ADAMTS12: variants seen among roughly 807,000 people sequenced by gnomAD.
ADAMTS12 encodes A disintegrin and metalloproteinase with thrombospondin motifs 12.
Under a neutral mutation model 167.8 loss-of-function variants are expected in ADAMTS12, and 118 were observed. That is an observed-to-expected ratio of 0.70 (90% CI 0.61 to 0.82). The LOEUF is 0.82. Among genes scored for constraint, ADAMTS12 ranks in the 40% least tolerant of loss-of-function variants. The probability of loss-of-function intolerance (pLI) is 0.00; values close to 1 mark genes in which losing one functional copy is unlikely to be tolerated. For missense variants in ADAMTS12, 1,916 were observed against 1,998.8 expected, an observed-to-expected ratio of 0.96 and a Z score of 0.79; for synonymous variants, 704 against 716.9, an observed-to-expected ratio of 0.98 and a Z score of 0.29.
intron 12 of ADAMTS12, among the ~76,000 whole-genome samples, chr5:33,632,441 C>T (rs1739990285): frequency 2.9e-5 from 3 of 101,894 alleles, no homozygotes; most frequent in Admixed American, 2.1e-4. Flanking sequence ...AAGATAAAAG[C>T]AAATATGTAA....
chr5:33,869,941 T>C (rs1030302378), intron 2 of ADAMTS12, among the ~76,000 whole-genome samples: 1 of 152,132 alleles, frequency 6.6e-6, no homozygotes, highest in Admixed American at 6.5e-5. Flanking sequence ...AGAGTGGCCA[T>C]TTTAGAGGCC....
Position 33,588,593 on chromosome 5 carries a change from G to A in ADAMTS12, c.2865+6C>T. On this transcript the variant is annotated splice_donor_region_variant and intron_variant, in intron 18 of 23. Coordinates refer to ENST00000504830, the MANE Select transcript of ADAMTS12 (RefSeq NM_030955.4). ...TGCCAGTTTCCCCGCCGAGCCCTGA[G>A]CTCACCTCACTCCAGTTGCCCACTG... is the stretch of plus-strand genomic sequence containing the variant. The A allele has an allele frequency of 6.2e-7, 1 of 1,613,852 alleles. No individual in the cohort carries two copies. Among genetic ancestry groups the A allele is most frequent in the Non-Finnish European group, 8.5e-7 (1 of 1,179,768 alleles).
In ADAMTS12 at chr5:33,624,306, G is replaced by A. The variant is rs146677662; in HGVS notation, c.2068C>T (p.Arg690Cys). The change falls in exon 14 of 24, where the codon CGC becomes TGC. Residue 690 changes from arginine to cysteine, a missense_variant. Transcript: ENST00000504830. ...CCATCTCCCAGGCACACACCGCAGC[G>A]ATCCTCGGTGGCATTGGAATCGATC... ...YEIDSNATED[R>C]CGVCLGDGSS... is the part of the protein sequence containing the mutation. 3.7e-5 allele frequency: 59 copies of A among 1,614,036 alleles called. No homozygotes were observed. Among genetic ancestry groups the A allele is most frequent in the Non-Finnish European group, 4.2e-5 (50 of 1,179,954 alleles).
At chr5:33,539,104 A>T (rs910548691) in intron 22 of ADAMTS12, among the ~76,000 whole-genome samples, 1 of 151,952 alleles carries the variant, frequency 6.6e-6, no homozygotes, top group African/African-American at 2.4e-5. Flanking sequence ...ACCATGCCTG[A>T]CTAATTTTTT....
chr5:33,689,897 G>T (rs1223632600), intron 3 of ADAMTS12, among the ~76,000 whole-genome samples: 2 of 152,236 alleles, frequency 1.3e-5, no homozygotes, highest in Non-Finnish European at 2.9e-5. Context: ...CCCCAAAGTT[G>T]CTGGGGTCAT....
At chr5:33,749,435 C>G (rs768075617) in intron 3 of ADAMTS12, among the ~76,000 whole-genome samples, 1 of 151,898 alleles carries the variant, frequency 6.6e-6, no homozygotes, top group Non-Finnish European at 1.5e-5. Context: ...AAGGAAGCTA[C>G]ATAAGGCATC....
Position 33,588,849 on chromosome 5 carries a change from T to G in ADAMTS12, c.2655-40A>C. On this transcript the variant is annotated intron_variant, in intron 17 of 23. Transcript: ENST00000504830. The stretch of plus-strand genomic sequence containing the variant: ...GGATATGTGAGAGAAGATCGCCAAC[T>G]TACGCATATGTTCCATTCAACCACT... 1.2e-6 allele frequency: 2 copies of G among 1,604,738 alleles called. 1 individual carries two copies. Among genetic ancestry groups the G allele is most frequent in the Non-Finnish European group, 1.7e-6 (2 of 1,177,644 alleles).
chr5:33,668,397 TA>T (rs1218393661), intron 5 of ADAMTS12, among the ~76,000 whole-genome samples: 2 of 152,226 alleles, frequency 1.3e-5, no homozygotes, highest in African/African-American at 4.8e-5. Context: ...GGGACACCTG[TA>T]ATTGTGTTCT....
At chr5:33,637,976 A>G (rs990550820) in intron 11 of ADAMTS12, among the ~76,000 whole-genome samples, 2 of 152,164 alleles carry the variant, frequency 1.3e-5, no homozygotes, top group African/African-American at 4.8e-5. Context: ...TTCCACCTGT[A>G]TATCCTCCAG....
intron 2 of ADAMTS12, among the ~76,000 whole-genome samples, chr5:33,774,175 T>C (rs994680645): frequency 1.1e-4 from 17 of 152,296 alleles, no homozygotes; most frequent in Non-Finnish European, 2.1e-4. Flanking sequence ...AAAAAACATT[T>C]ATTAGGTGCT....
chr5:33,630,735 G>C (rs1427260539), intron 13 of ADAMTS12, 45 bp downstream of exon 13: 1 of 1,573,322 alleles, frequency 6.4e-7, no homozygotes, highest in Non-Finnish European at 8.7e-7. Flanking sequence ...ATTAGTAAAA[G>C]TCATGATTTT....
intron 2 of ADAMTS12, among the ~76,000 whole-genome samples, chr5:33,816,181 T>C (rs975467495): frequency 8.4e-6 from 1 of 118,788 alleles, no homozygotes; most frequent in Non-Finnish European, 1.9e-5. Flanking sequence ...TTTTTTTGTA[T>C]TATAAATGAA....
intron 21 of ADAMTS12, among the ~76,000 whole-genome samples, chr5:33,548,108 A>T (rs2111825422): frequency 6.6e-6 from 1 of 152,290 alleles, no homozygotes; most frequent in South Asian, 2.1e-4. Flanking sequence ...ACAGGCTTTG[A>T]CACTAACTCT....
chr5:33,849,549 T>G (rs1401983358), intron 2 of ADAMTS12, among the ~76,000 whole-genome samples: 2 of 146,304 alleles, frequency 1.4e-5, no homozygotes, highest in Non-Finnish European at 3.0e-5. Context: ...TATACATATA[T>G]GTACTGCATA....
chr5:33,766,153 A>C (rs1216099315), intron 2 of ADAMTS12, among the ~76,000 whole-genome samples: 1 of 152,182 alleles, frequency 6.6e-6, no homozygotes, highest in African/African-American at 2.4e-5. Flanking sequence ...CAAAGAGCAG[A>C]GTATTAAAAG....
At chr5:33,616,713 T>A (rs1343757824) in intron 14 of ADAMTS12, among the ~76,000 whole-genome samples, 1 of 152,216 alleles carries the variant, frequency 6.6e-6, no homozygotes, top group Non-Finnish European at 1.5e-5. Context: ...CTTTTATATA[T>A]CACTGAAATA....
At chr5:33,670,911 A>G (rs914653761) in intron 5 of ADAMTS12, among the ~76,000 whole-genome samples, 5 of 152,194 alleles carry the variant, frequency 3.3e-5, no homozygotes, top group African/African-American at 1.2e-4. Context: ...AACTGGAAAC[A>G]ACCCAAATGT....
chr5:33,750,835 C>G (rs574555479), intron 3 of ADAMTS12, among the ~76,000 whole-genome samples: 1 of 152,320 alleles, frequency 6.6e-6, no homozygotes, highest in South Asian at 2.1e-4. Context: ...GGGAACGCAG[C>G]TCAGCAAACT....
intron 3 of ADAMTS12, among the ~76,000 whole-genome samples, chr5:33,708,251 C>T (rs1196875386): frequency 1.3e-5 from 2 of 152,052 alleles, no homozygotes; most frequent in Non-Finnish European, 2.9e-5. Context: ...AATGAGATAC[C>T]ATCTCATGCC....
Sources: allele counts gnomAD v4.1 joint callset (sites outside exome capture counted in the v4.1 genomes callset), GRCh38; gene constraint gnomAD v4.1.1; transcripts MANE v1.5; gene names NCBI Gene and HGNC (gene_info 2026-07-23, HGNC 2026-07-21).